The following ATXN2 variants were observed in gnomAD, a reference collection of about 807,000 sequenced individuals.
ATXN2 encodes the protein ataxin 2.
A neutral mutation model predicts 138.6 loss-of-function variants in ATXN2; 37 were observed. That is an observed-to-expected ratio of 0.27 (90% CI 0.21 to 0.35). The LOEUF is 0.35. ATXN2 is among the 10% of genes least tolerant of loss of function. The pLI, the probability that ATXN2 is intolerant of heterozygous loss-of-function variation, is 1.00. For missense variants in ATXN2, 1,216 were observed against 1,480.3 expected (o/e 0.82, Z 2.93); for synonymous variants, 549 against 543.7 (o/e 1.01, Z -0.13).
intron 14 of ATXN2, among the ~76,000 whole-genome samples, chr12:111,503,601 A>G (rs1592839893): frequency 6.8e-6 from 1 of 147,984 alleles, no homozygotes; most frequent in South Asian, 2.1e-4. Context: ...TTTTTTTTCC[A>G]CTCTCTTTTT....
chr12:111,455,928 T>C lies in ATXN2; in HGVS notation c.3270+101A>G, dbSNP rs1875051589. On this transcript the variant is annotated intron_variant, in intron 23 of 24. Transcript: ENST00000673436. The stretch of plus-strand genomic sequence containing the variant: ...GGGAAAGGGAGACAGGCAAATGGCA[T>C]GACACACAGGGTTTCCTAGCTGGGA... 12 of 1,131,396 alleles carry C rather than the reference T, an allele frequency of 1.1e-5. No homozygotes were observed. In the South Asian group the frequency reaches 1.5e-4, roughly 14 times the overall value. 70.1% of individuals were successfully genotyped at this position (1,131,396 alleles called of 1,614,324 possible). A position where few individuals can be genotyped will look rare whatever the true frequency, so the allele number is the denominator to read the frequency against.
chr12:111,516,263 T>C lies in ATXN2; in HGVS notation c.1266A>G (p.Thr422=), dbSNP rs1304889607. 6.4e-6 allele frequency: 10 copies of C among 1,573,166 alleles called. No individual in the cohort carries two copies. The highest frequency in any genetic ancestry group is 8.6e-6 in the Non-Finnish European group (10 of 1,165,090). Residue 422 remains threonine, a synonymous_variant, in exon 10 of 25, where the codon ACA becomes ACG. Coordinates refer to ENST00000673436, the MANE Select transcript of ATXN2 (RefSeq NM_001372574.1). The surrounding 1 kb of genome is among the most constrained non-coding windows in gnomAD (Gnocchi z 5.0). ...NSLPPRAATP[T]RPPSRPPSRP... ...GCGAGGGGGGCCTGGAGGGCGGCCG[T>C]GTAGGGGTGGCTGCCCGAGGTGGAA...
At chr12:111,480,121 TAC>T (rs1877124626) in intron 18 of ATXN2, among the ~76,000 whole-genome samples, 1 of 151,364 alleles carries the variant, frequency 6.6e-6, no homozygotes, top group Non-Finnish European at 1.5e-5. Context: ...GGTAATAAAG[TAC>T]AGTTGGACAG....
intron 17 of ATXN2, 42 bp downstream of exon 17, chr12:111,485,671 A>T (rs770945681): frequency 6.2e-7 from 1 of 1,607,548 alleles, no homozygotes; most frequent in Non-Finnish European, 8.5e-7. Flanking sequence ...TCAGATACAA[A>T]CAATTGGGGA....
At chr12:111,526,193 T>C (rs1443460240) in intron 5 of ATXN2, among the ~76,000 whole-genome samples, 1 of 150,804 alleles carries the variant, frequency 6.6e-6, no homozygotes, top group Non-Finnish European at 1.5e-5. Flanking sequence ...CTCTCTCTAC[T>C]AAAAATACAA....
intron 18 of ATXN2, among the ~76,000 whole-genome samples, chr12:111,477,087 A>T (rs1405135963): frequency 6.6e-6 from 1 of 152,030 alleles, no homozygotes; most frequent in Admixed American, 6.6e-5. Flanking sequence ...TCATGCCTGT[A>T]ATCCCAGAAC....
At chr12:111,542,343 G>A (rs1168011302) in intron 5 of ATXN2, among the ~76,000 whole-genome samples, 1 of 151,924 alleles carries the variant, frequency 6.6e-6, no homozygotes, top group Non-Finnish European at 1.5e-5. Flanking sequence ...CGATTCTCCT[G>A]CCTCAGCCTC....
chr12:111,485,464 A>G, intron 17 of ATXN2, 133 bp from the exon 18 acceptor site: 1 of 997,550 alleles, frequency 1.0e-6, no homozygotes, highest in East Asian at 2.4e-5. Flanking sequence ...TCATTAAAAA[A>G]TTAGATCATA....
chr12:111,464,251 T>G (rs902086395), intron 21 of ATXN2, among the ~76,000 whole-genome samples: 2 of 146,426 alleles, frequency 1.4e-5, no homozygotes, highest in Non-Finnish European at 3.0e-5. Flanking sequence ...GCTTGGGGTG[T>G]GTGTGTGTGT....
intron 1 of ATXN2, among the ~76,000 whole-genome samples, chr12:111,559,781 A>C (rs372607731): frequency 4.1e-4 from 62 of 151,836 alleles, no homozygotes; most frequent in South Asian, 1.0e-3. Context: ...AAAAAACAAA[A>C]AAAAAAAAAC....
At chr12:111,500,604 G>A (rs1270115197) in intron 14 of ATXN2, among the ~76,000 whole-genome samples, 1 of 152,200 alleles carries the variant, frequency 6.6e-6, no homozygotes, top group Non-Finnish European at 1.5e-5. Flanking sequence ...GCCGGGCACG[G>A]TGGCTCACGC....
chr12:111,547,244 T>C (rs1398203845), intron 5 of ATXN2, among the ~76,000 whole-genome samples: 1 of 151,846 alleles, frequency 6.6e-6, no homozygotes, highest in African/African-American at 2.4e-5. Context: ...CTGGCCAATA[T>C]GGTGAAACCC....
At chr12:111,482,002 C>T (rs890357719) in intron 18 of ATXN2, among the ~76,000 whole-genome samples, 1 of 151,920 alleles carries the variant, frequency 6.6e-6, no homozygotes, top group Non-Finnish European at 1.5e-5. Flanking sequence ...AAAAGCATTA[C>T]TCATTGCCAG....
chr12:111,529,094 A>G (rs1335770059), intron 5 of ATXN2, among the ~76,000 whole-genome samples: 2 of 152,122 alleles, frequency 1.3e-5, no homozygotes, highest in Non-Finnish European at 2.9e-5. Flanking sequence ...CGCTGAGATT[A>G]CAGGCATGAG....
At chr12:111,570,054 T>C (rs1406504622) in intron 1 of ATXN2, among the ~76,000 whole-genome samples, 3 of 152,162 alleles carry the variant, frequency 2.0e-5, no homozygotes, top group African/African-American at 7.2e-5. Flanking sequence ...TCAACATAAT[T>C]TTAAATTTAA....
rs1196047845 is a variant in ATXN2, at chr12:111,514,846, T to C, written c.1376-1307A>G. ...AGAAGAATGCTAATGTTATACACTA[T>C]AATTTTCAAATGGAAATATTCAACA... On this transcript the variant is annotated intron_variant, in intron 10 of 24. Coordinates refer to ENST00000673436, the MANE Select transcript of ATXN2 (RefSeq NM_001372574.1). 3.3e-5 allele frequency among the ~76,000 whole-genome samples: 5 copies of C among 152,218 alleles called. No individual in the cohort carries two copies. In the South Asian group the frequency reaches 8.3e-4, roughly 25 times the overall value.
intron 18 of ATXN2, among the ~76,000 whole-genome samples, chr12:111,478,747 C>G (rs1426791030): frequency 6.6e-6 from 1 of 151,814 alleles, no homozygotes; most frequent in Admixed American, 6.6e-5. Context: ...TGGCTCACAT[C>G]TGTAATCCCA....
At position 111,483,194 on chromosome 12, in the gene ATXN2, T is replaced by TACACACACAC. The variant is rs59840296; in HGVS notation, c.2524+2061_2524+2070dup. On this transcript the variant is annotated intron_variant, in intron 18 of 24. Coordinates refer to ENST00000673436, the MANE Select transcript of ATXN2 (RefSeq NM_001372574.1). ...AAAGCAAGACCCTGTATCAAACACA[T>TACACACACAC]ACACACACACACACACACACACACA... Among the ~76,000 whole-genome samples, 127 of 95,422 alleles carry TACACACACAC rather than the reference T, an allele frequency of 1.3e-3. 2 individuals are homozygous for TACACACACAC. Among genetic ancestry groups the TACACACACAC allele is most frequent in the Middle Eastern group, 9.5e-3 (2 of 210 alleles). 62.6% of individuals were successfully genotyped at this position (95,422 alleles called of 152,430 possible). A position where few individuals can be genotyped will look rare whatever the true frequency, so the allele number is the denominator to read the frequency against.
rs765424170 is a variant in ATXN2 at position 111,599,099 on chromosome 12, G to A, written c.-65C>T. 1.5e-6 allele frequency: 2 copies of A among 1,317,364 alleles called. No individual in the cohort carries two copies. Among genetic ancestry groups the A allele is most frequent in the South Asian group, 4.0e-5 (2 of 49,858 alleles). The allele number at this position is 1,317,364 out of a possible 1,614,324, so 81.6% of individuals were successfully genotyped here. On this transcript the variant is annotated 5_prime_UTR_variant, in exon 1 of 25. Transcript: ENST00000673436. ...ACAGCCGGGAGCCGGGCGCGCCAAG[G>A]AGACGCCGGAACGCGGCGGGGACGC...
Sources: gnomAD v4.1 joint callset for allele counts (sites outside exome capture counted in the v4.1 genomes callset) on GRCh38, gnomAD v4.1.1 for gene constraint, Gnocchi (gnomAD v3.1) non-coding constraint, MANE v1.5 for transcripts, NCBI Gene and HGNC (gene_info 2026-07-23, HGNC 2026-07-21) for gene names.